Variants in HPSE2 observed in about 807,000 individuals in gnomAD.
HPSE2 encodes the protein heparanase 2 (inactive), also known as inactive heparanase-2.
In HPSE2, 38 loss-of-function variants were observed where a neutral mutation model predicts 60.5. That is an observed-to-expected ratio of 0.63 (90% CI 0.48 to 0.82). HPSE2 has a LOEUF of 0.82. Ranked by LOEUF, HPSE2 falls within the 40% of genes least tolerant of loss-of-function variation. The pLI is 0.00. For synonymous variants in HPSE2, 295 were observed against 293.2 expected, an observed-to-expected ratio of 1.01 and a Z score of -0.06; for missense variants, 713 against 740.4, an observed-to-expected ratio of 0.96 and a Z score of 0.43.
At chr10:98,837,588 CCTCCGGCCGGGCGTGGTGG>C (rs1951818120) in intron 3 of HPSE2, among the ~76,000 whole-genome samples, 1 of 152,068 alleles carries the variant, frequency 6.6e-6, no homozygotes. Context: ...TACAAAGAAA[CCTCCGGCCGGGCGTGGTGG>C]CTCACGCCTG....
intron 2 of HPSE2, among the ~76,000 whole-genome samples, chr10:99,153,185 G>A (rs867066986): frequency 7.9e-4 from 121 of 152,210 alleles, no homozygotes; most frequent in African/African-American, 2.5e-3. Context: ...AGGGGCGCCC[G>A]CCATTGCCCA....
At chr10:98,618,955 G>A (rs542842279) in intron 8 of HPSE2, among the ~76,000 whole-genome samples, 2 of 152,272 alleles carry the variant, frequency 1.3e-5, no homozygotes, top group South Asian at 2.1e-4. Flanking sequence ...TTTGAACCAC[G>A]CTTGCTGACA....
chr10:98,650,236 ATG>A (rs1946880932), intron 6 of HPSE2, among the ~76,000 whole-genome samples: 1 of 152,314 alleles, frequency 6.6e-6, no homozygotes, highest in South Asian at 2.1e-4. Context: ...AAGCCACAAA[ATG>A]GTAAATACCT....
At chr10:99,153,857 A>C (rs1455882276) in intron 2 of HPSE2, among the ~76,000 whole-genome samples, 1 of 151,396 alleles carries the variant, frequency 6.6e-6, no homozygotes, top group Admixed American at 6.6e-5. Context: ...ACTTTGAAAA[A>C]AATTTAGAAG....
At chr10:99,272,720 G>A in the HPSE2 span, among the ~76,000 whole-genome samples, 3 of 152,002 alleles carry the variant, frequency 2.0e-5, no homozygotes, top group African/African-American at 7.2e-5. Flanking sequence ...ACCACAATGC[G>A]ATACCACCTT....
At chr10:99,243,510 A>G in the HPSE2 span, among the ~76,000 whole-genome samples, 1 of 152,146 alleles carries the variant, frequency 6.6e-6, no homozygotes, top group South Asian at 2.1e-4. Flanking sequence ...TGCCTTTCAC[A>G]TGTTCTATAG....
intron 3 of HPSE2, among the ~76,000 whole-genome samples, chr10:98,885,471 G>A (rs1953138321): frequency 1.3e-5 from 2 of 152,100 alleles, no homozygotes; most frequent in Non-Finnish European, 2.9e-5. Context: ...AGCATCATGT[G>A]CTACAGAGAA....
chr10:98,885,376 A>G (rs1953135839), intron 3 of HPSE2, among the ~76,000 whole-genome samples: 1 of 152,198 alleles, frequency 6.6e-6, no homozygotes, highest in Non-Finnish European at 1.5e-5. Flanking sequence ...AAGTATTTAA[A>G]ATATTACATA....
intron 2 of HPSE2, among the ~76,000 whole-genome samples, chr10:99,208,916 T>G (rs1296198807): frequency 6.6e-6 from 1 of 152,078 alleles, no homozygotes; most frequent in Non-Finnish European, 1.5e-5. Flanking sequence ...AAAAAGGTCA[T>G]AAAACATGAT....
At chr10:98,701,639 A>T (rs998166999) in intron 5 of HPSE2, among the ~76,000 whole-genome samples, 3 of 91,792 alleles carry the variant, frequency 3.3e-5, no homozygotes, top group Non-Finnish European at 7.6e-5. Context: ...TTAAAGTATA[A>T]TAATAATAAA....
intron 3 of HPSE2, among the ~76,000 whole-genome samples, chr10:98,887,870 C>T (rs1047693466): frequency 3.3e-5 from 5 of 150,834 alleles, no homozygotes; most frequent in Non-Finnish European, 5.9e-5. Flanking sequence ...AAGATGTGAA[C>T]GCACACCCTC....
chr10:98,887,920 T>TATAAGAATA (rs1953212183), intron 3 of HPSE2, among the ~76,000 whole-genome samples: 1 of 147,540 alleles, frequency 6.8e-6, no homozygotes, highest in African/African-American at 2.5e-5. Context: ...AAACTTAATG[T>TATAAGAATA]ATAATAATAA....
rs150642863 is a variant in HPSE2, at chr10:99,107,117, C to T, written c.610+37121G>A. Among the ~76,000 whole-genome samples the T allele has an allele frequency of 4.5e-3, 690 of 152,232 alleles. 3 individuals are homozygous for T. Among genetic ancestry groups the T allele is most frequent in the African/African-American group, 0.016 (657 of 41,552 alleles). On this transcript the variant is annotated intron_variant, in intron 3 of 11. Transcript: ENST00000370552. ...AACTCCTGACCTCAGGGGATCCACC[C>T]GCCTTGGCCTCCCAGAGTGCTGGGA... is the stretch of plus-strand genomic sequence containing the variant.
intron 11 of HPSE2, among the ~76,000 whole-genome samples, chr10:98,466,738 C>A (rs1211196527): frequency 1.3e-5 from 2 of 152,172 alleles, no homozygotes; most frequent in Non-Finnish European, 2.9e-5. Context: ...CCTAAGATCC[C>A]TTCTGGCTTA....
the HPSE2 span, among the ~76,000 whole-genome samples, chr10:99,242,163 G>A: frequency 6.6e-6 from 1 of 152,200 alleles, no homozygotes; most frequent in East Asian, 1.9e-4. Flanking sequence ...GTCCTGCCAG[G>A]AGAAGCAAGG....
At chr10:99,245,919 C>A in the HPSE2 span, among the ~76,000 whole-genome samples, 1 of 152,044 alleles carries the variant, frequency 6.6e-6, no homozygotes. Flanking sequence ...AAAATGAGGA[C>A]AACTGTTAGA....
chr10:99,081,088 C>T (rs1843119326), intron 3 of HPSE2, among the ~76,000 whole-genome samples: 2 of 152,218 alleles, frequency 1.3e-5, no homozygotes, highest in Admixed American at 6.5e-5. Flanking sequence ...ACCACCACAC[C>T]CGGCCTCAGG....
At chr10:98,646,597 C>T (rs1946776309) in intron 6 of HPSE2, among the ~76,000 whole-genome samples, 1 of 152,144 alleles carries the variant, frequency 6.6e-6, no homozygotes, top group Admixed American at 6.5e-5. Flanking sequence ...CAATTCATTC[C>T]TACCTCTAGA....
chr10:98,915,870 T>C (rs890854352), intron 3 of HPSE2, among the ~76,000 whole-genome samples: 2 of 152,044 alleles, frequency 1.3e-5, no homozygotes, highest in African/African-American at 4.8e-5. Flanking sequence ...GGCTTACCAA[T>C]GGGGAGGAGA....
Sources: allele counts gnomAD v4.1 joint callset (sites outside exome capture counted in the v4.1 genomes callset), GRCh38; gene constraint gnomAD v4.1.1; transcripts MANE v1.5; gene names NCBI Gene and HGNC (gene_info 2026-07-23, HGNC 2026-07-21).